Variants in STK33 observed in about 807,000 individuals in gnomAD.
The protein encoded by STK33 is serine/threonine-protein kinase 33.
Under a neutral mutation model 58.0 loss-of-function variants are expected in STK33, and 52 were observed. The ratio of observed to expected loss-of-function variants is 0.90; its 90% confidence interval spans 0.72 to 1.13. The LOEUF (loss-of-function observed/expected upper bound fraction) is 1.13. Ranked by LOEUF, STK33 falls within the 50% of genes most tolerant of loss-of-function variation. STK33 has a pLI of 0.00. For synonymous variants in STK33, 215 were observed against 200.1 expected (o/e 1.07, Z -0.63); for missense variants, 630 against 604.2 (o/e 1.04, Z -0.45).
At position 8,523,714 on chromosome 11, in the gene STK33, G is replaced by A. The variant is rs541724188; in HGVS notation, c.-465-43100C>T. ...CTTCCGGGAGGTGGGGGGTGCCTCC[G>A]CCCAGCCACCGCCCCGTCTGGGAGG... On this transcript the variant is annotated intron_variant, in intron 1 of 15. Transcript: ENST00000687296. 2.0e-3 allele frequency among the ~76,000 whole-genome samples: 305 copies of A among 149,538 alleles called. 4 individuals carry two copies. In the East Asian group the frequency reaches 0.025, roughly 12 times the overall value.
At chr11:8,511,296 T>C (rs1204995300) in intron 1 of STK33, among the ~76,000 whole-genome samples, 2 of 152,194 alleles carry the variant, frequency 1.3e-5, no homozygotes, top group African/African-American at 4.8e-5. Flanking sequence ...TTCATCATTG[T>C]TGGTGTATAG....
chr11:8,546,985 C>A (rs1294791337), intron 1 of STK33, among the ~76,000 whole-genome samples: 7 of 152,112 alleles, frequency 4.6e-5, no homozygotes, highest in African/African-American at 1.7e-4. Context: ...TTCTGAGGAA[C>A]CTCCATACTG....
At chr11:8,445,308 A>C (rs1218222446) in intron 11 of STK33, among the ~76,000 whole-genome samples, 6 of 152,188 alleles carry the variant, frequency 3.9e-5, no homozygotes, top group African/African-American at 1.4e-4. Context: ...CTAGATATAC[A>C]ATCATGTCAT....
At chr11:8,397,831 C>T (rs201401670) in intron 15 of STK33, among the ~76,000 whole-genome samples, 2 of 93,234 alleles carry the variant, frequency 2.1e-5, no homozygotes, top group South Asian at 4.1e-4. Flanking sequence ...CCTCAGTAGC[C>T]GATTCGATCA....
At chr11:8,420,310 T>C (rs1181425581) in intron 14 of STK33, among the ~76,000 whole-genome samples, 1 of 152,184 alleles carries the variant, frequency 6.6e-6, no homozygotes, top group African/African-American at 2.4e-5. Context: ...CTTTCATGTT[T>C]TTCCTAACAA....
the STK33 span, among the ~76,000 whole-genome samples, chr11:8,378,277 G>A: frequency 5.3e-5 from 8 of 152,210 alleles, no homozygotes; most frequent in South Asian, 2.1e-4. Flanking sequence ...CCAGCACTTC[G>A]GGAGGCCGAG....
intron 1 of STK33, among the ~76,000 whole-genome samples, chr11:8,583,794 T>C (rs2030911470): frequency 6.6e-6 from 1 of 152,192 alleles, no homozygotes; most frequent in Non-Finnish European, 1.5e-5. Flanking sequence ...ACTGTTTAGT[T>C]TCCCTGGAGA....
At chr11:8,397,242 CG>C (rs1374104912) in intron 15 of STK33, among the ~76,000 whole-genome samples, 1 of 152,170 alleles carries the variant, frequency 6.6e-6, no homozygotes, top group Non-Finnish European at 1.5e-5. Context: ...CTCACACGGT[CG>C]GGTACTCCTC....
intron 11 of STK33, among the ~76,000 whole-genome samples, chr11:8,447,434 C>T (rs1945645951): frequency 6.6e-6 from 1 of 152,152 alleles, no homozygotes; most frequent in African/African-American, 2.4e-5. Flanking sequence ...AAAGCTTATC[C>T]ACCATGATCA....
intron 1 of STK33, among the ~76,000 whole-genome samples, chr11:8,526,989 G>A (rs1377567186): frequency 2.3e-5 from 2 of 88,752 alleles, no homozygotes; most frequent in African/African-American, 8.4e-5. Flanking sequence ...TTTTTTTTTT[G>A]AGATTGAGTC....
rs1953324136 is a variant in STK33 at position 8,520,604 on chromosome 11, C to A, written c.-465-39990G>T. ...GTATATTTAGAAAACCCCATCGTCT[C>A]GGCCCAAAATCTCCTTAAGCTGATA... On this transcript the variant is annotated intron_variant, in intron 1 of 15. Transcript: ENST00000687296. 2.6e-5 allele frequency among the ~76,000 whole-genome samples: 4 copies of A among 152,172 alleles called. No individual in the cohort carries two copies. In the South Asian group the frequency reaches 8.3e-4, roughly 32 times the overall value.
chr11:8,574,327 G>A (rs904495654), intron 1 of STK33, among the ~76,000 whole-genome samples: 23 of 152,268 alleles, frequency 1.5e-4, no homozygotes, highest in East Asian at 5.8e-4. Flanking sequence ...TGGTTGAAGC[G>A]TGCTCAGAGT....
chr11:8,393,498 T>C (rs1225106948), intron 15 of STK33, among the ~76,000 whole-genome samples: 1 of 152,194 alleles, frequency 6.6e-6, no homozygotes, highest in Non-Finnish European at 1.5e-5. Context: ...CACTTTTAAT[T>C]AAGTGAAGCT....
At chr11:8,371,727 T>C in the STK33 span, among the ~76,000 whole-genome samples, 6 of 126,812 alleles carry the variant, frequency 4.7e-5, no homozygotes, top group Non-Finnish European at 5.4e-5. Context: ...TTCCCTCCCT[T>C]CTTCTCTCCC....
chr11:8,501,279 G>C (rs11041953), intron 1 of STK33, among the ~76,000 whole-genome samples: 34,150 of 151,916 alleles, frequency 0.22, 4,074 homozygotes, highest in East Asian at 0.3. Context: ...GAAAATATTT[G>C]CAAATCATAT....
At chr11:8,441,848 T>G (rs1293068851) in intron 11 of STK33, among the ~76,000 whole-genome samples, 1 of 152,160 alleles carries the variant, frequency 6.6e-6, no homozygotes, top group Non-Finnish European at 1.5e-5. Flanking sequence ...GTATGAAGTA[T>G]GTTAAGAATT....
At chr11:8,389,716 T>C (rs1002295101), downstream of STK33, among the ~76,000 whole-genome samples, 1 of 152,206 alleles carries the variant, frequency 6.6e-6, no homozygotes, top group Non-Finnish European at 1.5e-5. Flanking sequence ...TGGAGTCAAA[T>C]AGAATTATTT....
chr11:8,563,018 T>C (rs1300519812), intron 1 of STK33, among the ~76,000 whole-genome samples: 1 of 152,098 alleles, frequency 6.6e-6, no homozygotes, highest in Non-Finnish European at 1.5e-5. Context: ...AGCTAAAGAA[T>C]CTCTGAGTTG....
At chr11:8,547,699 T>G (rs1402721942) in intron 1 of STK33, among the ~76,000 whole-genome samples, 1 of 152,232 alleles carries the variant, frequency 6.6e-6, no homozygotes, top group Non-Finnish European at 1.5e-5. Flanking sequence ...TTGTTTCCTT[T>G]GCTGTGCAAA....
Sources: gnomAD v4.1 joint callset for allele counts (sites outside exome capture counted in the v4.1 genomes callset) on GRCh38, gnomAD v4.1.1 for gene constraint, MANE v1.5 for transcripts, NCBI Gene and HGNC (gene_info 2026-07-23, HGNC 2026-07-21) for gene names.